The following PCDH15 variants were observed in gnomAD, a reference collection of about 807,000 sequenced individuals.
PCDH15 encodes the protein protocadherin-15.
In PCDH15, 129 loss-of-function variants were observed where a neutral mutation model predicts 178.5. The observed-to-expected ratio is 0.72, with a 90% CI of 0.63 to 0.84. The LOEUF is 0.84. Ranked by LOEUF, PCDH15 falls within the 40% of genes least tolerant of loss-of-function variation. The probability of loss-of-function intolerance (pLI) is 0.00; values close to 1 mark genes in which losing one functional copy is unlikely to be tolerated. For missense variants in PCDH15, 2,230 were observed against 2,099.9 expected (o/e 1.06, Z -1.21); for synonymous variants, 800 against 732.0 (o/e 1.09, Z -1.50).
At chr10:55,623,320 T>C (rs922558488) in intron 2 of PCDH15, among the ~76,000 whole-genome samples, 1 of 152,132 alleles carries the variant, frequency 6.6e-6, no homozygotes, top group Admixed American at 6.5e-5. Context: ...AGTGGTTTTT[T>C]TGTTGTTGTT....
At chr10:53,983,045 A>G (rs1431647670) in intron 21 of PCDH15, among the ~76,000 whole-genome samples, 1 of 152,010 alleles carries the variant, frequency 6.6e-6, no homozygotes, top group East Asian at 1.9e-4. Context: ...AATATTAAGT[A>G]ATTTGTTTTC....
At chr10:55,066,675 G>C (rs1841572187) in intron 2 of PCDH15, among the ~76,000 whole-genome samples, 1 of 149,572 alleles carries the variant, frequency 6.7e-6, no homozygotes, top group South Asian at 2.1e-4. Context: ...TTAGAGATTG[G>C]ACTGTTAATT....
chr10:54,049,104 C>T (rs1295036390), intron 18 of PCDH15, among the ~76,000 whole-genome samples: 1 of 152,108 alleles, frequency 6.6e-6, no homozygotes, highest in Non-Finnish European at 1.5e-5. Context: ...TAGATGCATT[C>T]CTAGGTATTT....
chr10:54,388,734 A>G (rs1302233996), intron 3 of PCDH15, among the ~76,000 whole-genome samples: 1 of 152,196 alleles, frequency 6.6e-6, no homozygotes, highest in East Asian at 1.9e-4. Flanking sequence ...ATGAGGTTGT[A>G]TGTCCACCAG....
At chr10:54,760,205 A>G (rs938024278) in intron 1 of PCDH15, among the ~76,000 whole-genome samples, 2 of 151,858 alleles carry the variant, frequency 1.3e-5, no homozygotes, top group Admixed American at 6.6e-5. Flanking sequence ...AGGGAACAAT[A>G]CCTCCAACTG....
At chr10:55,304,900 A>C (rs1843379915) in intron 1 of PCDH15, among the ~76,000 whole-genome samples, 1 of 152,176 alleles carries the variant, frequency 6.6e-6, no homozygotes, top group Admixed American at 6.6e-5. Context: ...TATCAATTCT[A>C]ATATTCAATG....
chr10:53,806,896 T>C lies in PCDH15; in HGVS notation c.4906A>G (p.Lys1636Glu). 1 of 1,613,938 alleles carries C rather than the reference T, an allele frequency of 6.2e-7. No individual in the cohort carries two copies. Among genetic ancestry groups the C allele is most frequent in the Non-Finnish European group, 8.5e-7 (1 of 1,179,846 alleles). ...ASPVRLGGPF[K>E]KLDKLAVTHE... ...GTCACTGCCAACTTGTCTAGTTTCT[T>C]AAAGGGCCCTCCCAGTCGAACAGGG... Residue 1636 changes from lysine (K) to glutamate (E), a missense_variant, in exon 38 of 38, where the codon AAG becomes GAG. By Grantham distance (56) the Lys-to-Glu change is moderately conservative. Transcript: ENST00000644397.
At chr10:55,188,878 T>A (rs1318829014) in intron 1 of PCDH15, among the ~76,000 whole-genome samples, 2 of 151,932 alleles carry the variant, frequency 1.3e-5, no homozygotes, top group African/African-American at 4.8e-5. Flanking sequence ...CTGAAGAACT[T>A]TTAATTTGGC....
intron 2 of PCDH15, among the ~76,000 whole-genome samples, chr10:55,024,224 T>G (rs1840418200): frequency 6.8e-6 from 1 of 146,856 alleles, no homozygotes; most frequent in Non-Finnish European, 1.5e-5. Context: ...GAATATATAT[T>G]TCTTTCTCTG....
intron 1 of PCDH15, among the ~76,000 whole-genome samples, chr10:55,265,310 T>C (rs1182620571): frequency 8.3e-6 from 1 of 119,898 alleles, no homozygotes; most frequent in East Asian, 3.1e-4. Context: ...TGTATCTCTA[T>C]GATATATATA....
chr10:55,364,821 C>G (rs1372386778), intron 2 of PCDH15, among the ~76,000 whole-genome samples: 1 of 152,064 alleles, frequency 6.6e-6, no homozygotes, highest in African/African-American at 2.4e-5. Flanking sequence ...TTTTCAAGTT[C>G]ACACATTCTG....
In PCDH15 at chr10:54,786,528, C is replaced by A. The variant is rs139408710; in HGVS notation, c.-29+14397G>T. On this transcript the variant is annotated intron_variant, in intron 1 of 37. Transcript: ENST00000644397. ...AAAGACATAAAGTACAGATTATTCA[C>A]AAGAAACAGCTGTCTTGAGAAACAA... Among the ~76,000 whole-genome samples the A allele has an allele frequency of 4.2e-3, 639 of 152,096 alleles. 7 individuals carry two copies. The highest frequency in any genetic ancestry group is 0.014 in the African/African-American group (596 of 41,544).
chr10:54,044,086 A>C (rs758053751), intron 18 of PCDH15, among the ~76,000 whole-genome samples: 1 of 152,114 alleles, frequency 6.6e-6, no homozygotes, highest in Non-Finnish European at 1.5e-5. Flanking sequence ...TATTGGCAGC[A>C]CCAGGAGGAC....
chr10:54,898,079 G>A (rs939660624), intron 2 of PCDH15, among the ~76,000 whole-genome samples: 4 of 152,046 alleles, frequency 2.6e-5, no homozygotes, highest in African/African-American at 9.7e-5. Context: ...TGCTGTCCTG[G>A]TGACTGTGAG....
intron 2 of PCDH15, among the ~76,000 whole-genome samples, chr10:55,329,819 G>T (rs1413046852): frequency 6.6e-6 from 1 of 151,666 alleles, no homozygotes; most frequent in Non-Finnish European, 1.5e-5. Flanking sequence ...GTCCACCTAA[G>T]GATTGGGCAT....
At chr10:54,189,276 C>A in intron 11 of PCDH15, 3 of 1,000,584 alleles carry the variant, frequency 3.0e-6, no homozygotes, top group Non-Finnish European at 4.6e-6. Context: ...GTAATACCTA[C>A]GTGTTTTAGT....
chr10:55,295,406 G>C (rs1235054813), intron 1 of PCDH15, among the ~76,000 whole-genome samples: 1 of 152,160 alleles, frequency 6.6e-6, no homozygotes, highest in East Asian at 1.9e-4. Context: ...CTCAGGCCAA[G>C]GATTTCTTTC....
chr10:54,370,010 ATATTT>A (rs1226291572), intron 4 of PCDH15, among the ~76,000 whole-genome samples: 1 of 152,042 alleles, frequency 6.6e-6, no homozygotes, highest in African/African-American at 2.4e-5. Context: ...CCAGGCTATT[ATATTT>A]TGTCATTATA....
chr10:54,915,760 A>G (rs1029050666), intron 2 of PCDH15, among the ~76,000 whole-genome samples: 6 of 152,176 alleles, frequency 3.9e-5, no homozygotes, highest in Non-Finnish European at 8.8e-5. Flanking sequence ...TTTCATTCCC[A>G]TTCTGTAAGA....
Sources: gnomAD v4.1 joint callset for allele counts (sites outside exome capture counted in the v4.1 genomes callset) on GRCh38, gnomAD v4.1.1 for gene constraint, MANE v1.5 for transcripts, NCBI Gene and HGNC (gene_info 2026-07-23, HGNC 2026-07-21) for gene names.